The following MICU3 variants were observed in gnomAD, a reference collection of about 807,000 sequenced individuals.
MICU3 encodes calcium uptake protein 3, mitochondrial.
In MICU3, 62 loss-of-function variants were observed where a neutral mutation model predicts 66.5. The ratio of observed to expected loss-of-function variants is 0.93; its 90% confidence interval spans 0.76 to 1.15. MICU3 has a LOEUF of 1.15. MICU3 is among the 50% of genes most tolerant of loss of function. The probability of loss-of-function intolerance (pLI) is 0.00; values close to 1 mark genes in which losing one functional copy is unlikely to be tolerated. For synonymous variants in MICU3, 308 were observed against 240.7 expected (o/e 1.28, Z -2.59); for missense variants, 779 against 664.4 (o/e 1.17, Z -1.90).
chr8:17,036,981 T>C (rs896290133), intron 1 of MICU3, among the ~76,000 whole-genome samples: 8 of 152,284 alleles, frequency 5.3e-5, no homozygotes, highest in East Asian at 1.9e-4. Context: ...CAGCTAAGGC[T>C]CGGCGAGAAA....
At chr8:17,096,774 A>G (rs1344711192) in intron 8 of MICU3, among the ~76,000 whole-genome samples, 1 of 151,886 alleles carries the variant, frequency 6.6e-6, no homozygotes, top group East Asian at 1.9e-4. Context: ...AAAGTTGTAT[A>G]TTATCCTAAT....
intron 4 of MICU3, among the ~76,000 whole-genome samples, chr8:17,081,403 T>C (rs1821161341): frequency 6.6e-6 from 1 of 152,128 alleles, no homozygotes; most frequent in South Asian, 2.1e-4. Context: ...AGTCGTACAT[T>C]AGAAACTAGC....
intron 11 of MICU3, among the ~76,000 whole-genome samples, chr8:17,109,249 A>G (rs1447680431): frequency 6.6e-6 from 1 of 152,074 alleles, no homozygotes; most frequent in African/African-American, 2.4e-5. Context: ...GCAAATATAT[A>G]TATTATGTTG....
chr8:17,082,538 G>T (rs968976683), intron 5 of MICU3, among the ~76,000 whole-genome samples: 5 of 152,096 alleles, frequency 3.3e-5, no homozygotes, highest in Non-Finnish European at 7.4e-5. Flanking sequence ...ACACTTGAAT[G>T]CAAGGTCCAT....
the MICU3 span, chr8:17,132,093 A>T: frequency 6.6e-6 from 1 of 152,220 alleles, no homozygotes; most frequent in East Asian, 1.9e-4. Flanking sequence ...TGCCCTTTAG[A>T]ATCATCACAG....
intron 1 of MICU3, among the ~76,000 whole-genome samples, chr8:17,059,723 G>C (rs1433678564): frequency 6.6e-6 from 1 of 152,044 alleles, no homozygotes; most frequent in Non-Finnish European, 1.5e-5. Context: ...TAGAATAAAA[G>C]ATCCCATTCT....
chr8:17,048,421 G>A (rs1032289898), intron 1 of MICU3, among the ~76,000 whole-genome samples: 7 of 152,130 alleles, frequency 4.6e-5, no homozygotes, highest in African/African-American at 7.2e-5. Flanking sequence ...GAGCATGTGC[G>A]GGGGAACGCC....
intron 3 of MICU3, among the ~76,000 whole-genome samples, chr8:17,070,418 A>T (rs2150671753): frequency 6.6e-6 from 1 of 152,226 alleles, no homozygotes; most frequent in Non-Finnish European, 1.5e-5. Flanking sequence ...CAAAACTGAG[A>T]AAGTGAAATC....
intron 2 of MICU3, among the ~76,000 whole-genome samples, chr8:17,064,802 G>A (rs1324645084): frequency 6.6e-6 from 1 of 152,076 alleles, no homozygotes; most frequent in Admixed American, 6.5e-5. Context: ...TGAAATATAT[G>A]AAGAAAATCT....
chr8:17,107,002 G>A (rs903398350), intron 11 of MICU3, among the ~76,000 whole-genome samples: 3 of 151,924 alleles, frequency 2.0e-5, no homozygotes, highest in Non-Finnish European at 2.9e-5. Flanking sequence ...TATTTGAATA[G>A]CCCTTTACAT....
chr8:17,106,652 A>G (rs989070383), intron 11 of MICU3, among the ~76,000 whole-genome samples: 1 of 151,810 alleles, frequency 6.6e-6, no homozygotes, highest in African/African-American at 2.4e-5. Context: ...TCCAATTTCT[A>G]GAAGTATCTT....
At chr8:17,064,815 C>T (rs1818435520) in intron 2 of MICU3, among the ~76,000 whole-genome samples, 1 of 152,020 alleles carries the variant, frequency 6.6e-6, no homozygotes, top group African/African-American at 2.4e-5. Flanking sequence ...GAAAATCTAC[C>T]TCACAGACAT....
chr8:17,036,591 G>C lies in MICU3; in HGVS notation c.381+8931G>C, dbSNP rs543225193. On this transcript the variant is annotated intron_variant, in intron 1 of 14. Transcript: ENST00000318063. ...GTTAGATACAGAGTTTCGACACACA[G>C]GTTCTCCAAGGCCCCACCAGAGCAG... 6.5e-4 allele frequency among the ~76,000 whole-genome samples: 99 copies of C among 152,288 alleles called. 1 individual carries two copies. Among genetic ancestry groups the C allele is most frequent in the Admixed American group, 6.1e-3 (94 of 15,292 alleles).
chr8:17,118,304 A>G (rs553096030), intron 13 of MICU3, among the ~76,000 whole-genome samples: 1 of 152,120 alleles, frequency 6.6e-6, no homozygotes, highest in South Asian at 2.1e-4. Flanking sequence ...ATAATAGCAT[A>G]CAAATATGTA....
At chr8:17,136,711 G>A in the MICU3 span, among the ~76,000 whole-genome samples, 2 of 152,060 alleles carry the variant, frequency 1.3e-5, no homozygotes, top group Non-Finnish European at 2.9e-5. Flanking sequence ...ATAGGAGTTG[G>A]GCAGGGCATA....
chr8:17,090,624 C>T (rs1395287980), intron 8 of MICU3, 40 bp downstream of exon 8: 3 of 1,433,856 alleles, frequency 2.1e-6, no homozygotes, highest in Non-Finnish European at 2.9e-6. Flanking sequence ...GTATATAGCC[C>T]TCACCTGTTA....
chr8:17,137,174 A>G, the MICU3 span, among the ~76,000 whole-genome samples: 1 of 152,044 alleles, frequency 6.6e-6, no homozygotes, highest in Non-Finnish European at 1.5e-5. Flanking sequence ...CTTCTAGCCC[A>G]AAGGTTGCAA....
At chr8:17,054,738 CTTTTTTT>C (rs559605289) in intron 1 of MICU3, among the ~76,000 whole-genome samples, 1 of 122,772 alleles carries the variant, frequency 8.1e-6, no homozygotes, top group Non-Finnish European at 1.7e-5. Flanking sequence ...TTCTTTCTTT[CTTTTTTT>C]TTTTTTTTTT....
At position 17,063,566 on chromosome 8, in the gene MICU3, C is replaced by A. The variant is rs555259849; in HGVS notation, c.382-518C>A. 4.6e-5 allele frequency among the ~76,000 whole-genome samples: 7 copies of A among 152,238 alleles called. No homozygotes were observed. The East Asian group carries it at 5.8e-4, about 13-fold the overall frequency. On this transcript the variant is annotated intron_variant, in intron 1 of 14. Transcript: ENST00000318063. ...ATGATGGCCACTATACTGTAGTGAT[C>A]TGGAACTAGCAATTTCACTTCTAAT...
Sources: gnomAD v4.1 joint callset for allele counts (sites outside exome capture counted in the v4.1 genomes callset) on GRCh38, gnomAD v4.1.1 for gene constraint, MANE v1.5 for transcripts, NCBI Gene and HGNC (gene_info 2026-07-23, HGNC 2026-07-21) for gene names.